The following BCAS3 variants were observed in gnomAD, a reference collection of about 807,000 sequenced individuals.
BCAS3 encodes BCAS3 microtubule associated cell migration factor.
A neutral mutation model predicts 116.1 loss-of-function variants in BCAS3; 53 were observed. The observed-to-expected ratio is 0.46, with a 90% CI of 0.37 to 0.57. BCAS3 has a LOEUF of 0.57. BCAS3 is among the 20% of genes least tolerant of loss of function. The pLI is 0.00. For missense variants in BCAS3, 917 were observed against 1,165.4 expected, an observed-to-expected ratio of 0.79 and a Z score of 3.10; for synonymous variants, 391 against 408.2, an observed-to-expected ratio of 0.96 and a Z score of 0.51.
At chr17:61,253,172 G>A (rs925371996) in intron 22 of BCAS3, among the ~76,000 whole-genome samples, 6 of 151,116 alleles carry the variant, frequency 4.0e-5, no homozygotes, top group Non-Finnish European at 5.9e-5. Context: ...CACTGAGCCC[G>A]GCCCGTTGCT....
At chr17:60,815,986 A>C (rs2144660690) in intron 7 of BCAS3, among the ~76,000 whole-genome samples, 1 of 152,128 alleles carries the variant, frequency 6.6e-6, no homozygotes, top group East Asian at 1.9e-4. Context: ...TTTTAGTATC[A>C]CTTTTTTATG....
rs2058029390 is a variant in BCAS3, at chr17:61,354,249, G to A, written c.2426-14078G>A. The A allele has an allele frequency of 6.6e-6, 1 of 152,242 alleles. No individual in the cohort carries two copies. The allele number at this position is 152,242 out of a possible 1,614,324, so 9.4% of individuals were successfully genotyped here. A position where few individuals can be genotyped will look rare whatever the true frequency, so the allele number is the denominator to read the frequency against. ...GGAGTTGACAGCATCTGTCCTGCCT[G>A]TGGTAAAAATTGCTGTGATCCCACA... On this transcript the variant is annotated intron_variant, in intron 22 of 23. Coordinates refer to ENST00000407086, the MANE Select transcript of BCAS3 (RefSeq NM_017679.5). This position sits in a 1 kb window ranked among gnomAD's most constrained non-coding sequence, Gnocchi z 4.5.
chr17:60,978,728 C>T (rs1381089502), intron 14 of BCAS3, among the ~76,000 whole-genome samples: 3 of 151,644 alleles, frequency 2.0e-5, no homozygotes, highest in Admixed American at 2.0e-4. Context: ...TATGGCTAGC[C>T]AGTTTTCCCA....
intron 13 of BCAS3, among the ~76,000 whole-genome samples, chr17:60,932,603 G>T (rs557614111): frequency 1.3e-5 from 2 of 151,914 alleles, no homozygotes; most frequent in African/African-American, 4.8e-5. Flanking sequence ...TTAGCCAGGC[G>T]TGGTGGCGGG....
chr17:61,019,561 C>T lies in BCAS3; in HGVS notation c.1637+3660C>T, dbSNP rs1026953333. ...GCCTTGTCAAAAGTAATATTTGATT[C>T]GTGAGAACCAAATATATTCTGTGAA... On this transcript the variant is annotated intron_variant, in intron 16 of 23. Transcript: ENST00000407086. The surrounding 1 kb of genome is among the most constrained non-coding windows in gnomAD (Gnocchi z 5.6). Among the ~76,000 whole-genome samples the T allele has an allele frequency of 1.3e-5, 2 of 151,956 alleles. No individual in the cohort carries two copies. The highest frequency in any genetic ancestry group is 6.6e-5 in the Admixed American group (1 of 15,252).
rs755314396 is a variant in BCAS3 at position 61,196,022 on chromosome 17, T to G, written c.2425+111458T>G. ...ATGTCAGAAGCATATGTAGGTAGTT[T>G]TAAAACTGAAAATATAGCTTGTTTT... On this transcript the variant is annotated intron_variant, in intron 22 of 23. Transcript: ENST00000407086. This position sits in a 1 kb window ranked among gnomAD's most constrained non-coding sequence, Gnocchi z 4.7. Among the ~76,000 whole-genome samples the G allele has an allele frequency of 2.9e-4, 44 of 152,234 alleles. No homozygotes were observed. Among genetic ancestry groups the G allele is most frequent in the Non-Finnish European group, 5.0e-4 (34 of 68,044 alleles).
chr17:60,778,002 T>C (rs1429241575), intron 6 of BCAS3, among the ~76,000 whole-genome samples: 1 of 152,206 alleles, frequency 6.6e-6, no homozygotes, highest in African/African-American at 2.4e-5. Flanking sequence ...AATCCGTATG[T>C]CTTCTTTGGT....
At chr17:61,112,657 T>A (rs947462493) in intron 22 of BCAS3, among the ~76,000 whole-genome samples, 4 of 137,878 alleles carry the variant, frequency 2.9e-5, no homozygotes, top group African/African-American at 1.1e-4. Context: ...AACACCCCAC[T>A]GTCAACATTA....
In BCAS3 at chr17:61,051,014, T is replaced by C. The variant is rs1045107314; in HGVS notation, c.2029+10122T>C. On this transcript the variant is annotated intron_variant, in intron 19 of 23. Transcript: ENST00000407086. This position sits in a 1 kb window ranked among gnomAD's most constrained non-coding sequence, Gnocchi z 4.1. ...CAAATATTTGGAAACTAACACACTT[T>C]TAAATAGTCCATGGTTCACAGAAGA... 2.0e-5 allele frequency among the ~76,000 whole-genome samples: 3 copies of C among 152,076 alleles called. No homozygotes were observed. Among genetic ancestry groups the C allele is most frequent in the African/African-American group, 7.2e-5 (3 of 41,430 alleles).
chr17:61,221,008 A>G (rs1262860540), intron 22 of BCAS3, among the ~76,000 whole-genome samples: 5 of 152,132 alleles, frequency 3.3e-5, no homozygotes, highest in African/African-American at 1.2e-4. Context: ...GCTGAGGCAG[A>G]AGAATGGCAT....
At chr17:61,137,515 TC>T in intron 22 of BCAS3, among the ~76,000 whole-genome samples, 1 of 152,234 alleles carries the variant, frequency 6.6e-6, no homozygotes. Context: ...ACGCCTGTAA[TC>T]CCAGCACTTT....
Position 61,344,174 on chromosome 17 carries a change from GA to G in BCAS3, c.2426-24152del, listed in dbSNP as rs1184505126. 6.6e-6 allele frequency among the ~76,000 whole-genome samples: 1 copy of G among 152,152 alleles called. No individual in the cohort carries two copies. The highest frequency in any genetic ancestry group is 1.9e-4 in the East Asian group (1 of 5,152). On this transcript the variant is annotated intron_variant, in intron 22 of 23. Coordinates refer to ENST00000407086, the MANE Select transcript of BCAS3 (RefSeq NM_017679.5). The surrounding 1 kb of genome is among the most constrained non-coding windows in gnomAD (Gnocchi z 4.1). ...GAGAGGCTTCACTGATACCCATAAG[GA>G]GGCGGAATATGCAAACCCTCTTTGC...
intron 6 of BCAS3, among the ~76,000 whole-genome samples, chr17:60,799,209 A>G (rs1032989069): frequency 1.3e-5 from 2 of 152,194 alleles, no homozygotes; most frequent in Non-Finnish European, 2.9e-5. Context: ...TTCTAGCAAG[A>G]AGTTTTCTCT....
At chr17:60,794,359 A>G (rs1017782413) in intron 6 of BCAS3, among the ~76,000 whole-genome samples, 4 of 151,218 alleles carry the variant, frequency 2.6e-5, no homozygotes, top group Admixed American at 2.0e-4. Flanking sequence ...TGGATTGTCT[A>G]TTTGCTTTTC....
chr17:60,907,821 T>C (rs2058265892), intron 11 of BCAS3, among the ~76,000 whole-genome samples: 1 of 152,204 alleles, frequency 6.6e-6, no homozygotes, highest in Non-Finnish European at 1.5e-5. Flanking sequence ...GTCAGATATA[T>C]ACATACTCTG....
chr17:61,116,489 GTGT>G (rs2075463721), intron 22 of BCAS3, among the ~76,000 whole-genome samples: 1 of 152,124 alleles, frequency 6.6e-6, no homozygotes, highest in Non-Finnish European at 1.5e-5. Context: ...ACATCAAAGA[GTGT>G]TGTTTTTGCC....
rs965883359 is a variant in BCAS3, at chr17:61,145,162, T to C, written c.2425+60598T>C. Among the ~76,000 whole-genome samples the C allele has an allele frequency of 6.6e-6, 1 of 152,224 alleles. No individual in the cohort carries two copies. The highest frequency in any genetic ancestry group is 2.4e-5 in the African/African-American group (1 of 41,466). On this transcript the variant is annotated intron_variant, in intron 22 of 23. Coordinates refer to ENST00000407086, the MANE Select transcript of BCAS3 (RefSeq NM_017679.5). The surrounding 1 kb of genome is among the most constrained non-coding windows in gnomAD (Gnocchi z 5.0). The stretch of plus-strand genomic sequence containing the variant: ...TCATTCTGACTCGGAAATGGCAGCA[T>C]TTTTCAAAGCTTCCTCCCACTGATG...
In BCAS3 at chr17:61,380,133, T is replaced by A. The variant is rs1183566197; in HGVS notation, c.2593+11639T>A. On this transcript the variant is annotated intron_variant, in intron 23 of 23. Transcript: ENST00000407086. This position sits in a 1 kb window ranked among gnomAD's most constrained non-coding sequence, Gnocchi z 4.2. Reference sequence around the variant, plus strand: ...CCCAACCACACACTGCCATGCAGCTTTGAACTTCAGACCTGGTTTCTAAAT... The same window carrying A: ...CCCAACCACACACTGCCATGCAGCTATGAACTTCAGACCTGGTTTCTAAAT... 1 of 255,148 alleles carries A rather than the reference T, an allele frequency of 3.9e-6. No homozygotes were observed. The highest frequency in any genetic ancestry group is 2.2e-5 in the African/African-American group (1 of 44,920). 15.8% of individuals were successfully genotyped at this position (255,148 alleles called of 1,614,324 possible).
intron 22 of BCAS3, among the ~76,000 whole-genome samples, chr17:61,119,221 T>A (rs1309847503): frequency 2.6e-5 from 4 of 152,256 alleles, no homozygotes; most frequent in African/African-American, 9.6e-5. Flanking sequence ...TAAAAATGAA[T>A]GACTAAAACC....
Sources: allele counts gnomAD v4.1 joint callset (sites outside exome capture counted in the v4.1 genomes callset), GRCh38; gene constraint gnomAD v4.1.1; non-coding constraint Gnocchi (gnomAD v3.1); transcripts MANE v1.5; gene names NCBI Gene and HGNC (gene_info 2026-07-23, HGNC 2026-07-21).